PLXDC1: variants seen among roughly 807,000 people sequenced by gnomAD.
PLXDC1 encodes plexin domain containing 1.
Under a neutral mutation model 61.3 loss-of-function variants are expected in PLXDC1, and 39 were observed. That is an observed-to-expected ratio of 0.64 (90% confidence interval 0.49 to 0.83). The LOEUF (loss-of-function observed/expected upper bound fraction) is 0.83. Among genes scored for constraint, PLXDC1 ranks in the 40% least tolerant of loss-of-function variants. PLXDC1 has a pLI of 0.00. For synonymous variants in PLXDC1, 212 were observed against 254.5 expected (o/e 0.83, Z 1.59); for missense variants, 596 against 666.5 (o/e 0.89, Z 1.17).
intron 11 of PLXDC1, chr17:39,072,733 A>AT: frequency 3.7e-6 from 2 of 545,226 alleles, no homozygotes; most frequent in Non-Finnish European, 6.7e-6. Context: ...CTGGAGAGCA[A>AT]TAGGAGGCCA....
chr17:39,107,952 A>G, intron 5 of PLXDC1, 171 bp downstream of exon 5: 3 of 734,712 alleles, frequency 4.1e-6, no homozygotes, highest in Middle Eastern at 4.0e-4. Context: ...TCTGGGTAGC[A>G]GGCATTTTTG....
At chr17:39,095,223 G>T (rs965362330) in intron 7 of PLXDC1, among the ~76,000 whole-genome samples, 2 of 151,648 alleles carry the variant, frequency 1.3e-5, no homozygotes, top group African/African-American at 2.4e-5. Context: ...GAGGCTGAGT[G>T]GTGGCAGAAA....
chr17:39,135,294 G>GGATC (rs1379679892), intron 2 of PLXDC1, among the ~76,000 whole-genome samples: 1 of 152,186 alleles, frequency 6.6e-6, no homozygotes, highest in Non-Finnish European at 1.5e-5. Context: ...GCTGCAGAGG[G>GGATC]GATCACAAAG....
Position 39,067,780 on chromosome 17 carries a change from TCTTTG to T in PLXDC1, c.*55_*59del. On this transcript the variant is annotated 3_prime_UTR_variant, in exon 14 of 14. Coordinates refer to ENST00000315392, the MANE Select transcript of PLXDC1 (RefSeq NM_020405.5). ...AGAGGCCAGGAAAAGTCACTTCTCT[TCTTTG>T]CTTTAACTGTCTTTTCTGTGGCCTC... 6.5e-7 allele frequency: 1 copy of T among 1,535,560 alleles called. No homozygotes were observed. The highest frequency in any genetic ancestry group is 1.2e-5 in the South Asian group (1 of 84,116).
chr17:39,075,944 G>T (rs1449930519), intron 11 of PLXDC1, among the ~76,000 whole-genome samples: 1 of 152,062 alleles, frequency 6.6e-6, no homozygotes, highest in Non-Finnish European at 1.5e-5. Flanking sequence ...TGGGTGTGGT[G>T]GTGTGCACCT....
In PLXDC1 at chr17:39,109,237, G is replaced by A. The variant is rs756601987; in HGVS notation, c.399+11C>T. 1 of 1,601,768 alleles carries A rather than the reference G, an allele frequency of 6.2e-7. No homozygotes were observed. Among genetic ancestry groups the A allele is most frequent in the Non-Finnish European group, 8.5e-7 (1 of 1,172,402 alleles). ...GCACAGGGAAGCATGGCTGGCGACTGGGGCACTCACCGAAGCCTGCCGGTG... is the reference window on the plus strand; with the variant it reads ...GCACAGGGAAGCATGGCTGGCGACTAGGGCACTCACCGAAGCCTGCCGGTG... On this transcript the variant is annotated intron_variant, in intron 3 of 13. Transcript: ENST00000315392.
Position 39,110,075 on chromosome 17 carries a change from G to A in PLXDC1, c.256-684C>T, listed in dbSNP as rs1211162716. Among the ~76,000 whole-genome samples, 8 of 152,270 alleles carry A rather than the reference G, an allele frequency of 5.3e-5. No individual in the cohort carries two copies. The East Asian group carries it at 9.7e-4, about 18-fold the overall frequency. The stretch of plus-strand genomic sequence containing the variant: ...CAAGAATCACTTGAACTCGGGAGCC[G>A]AGATCGCGCCACTGCACTCCAGCCT... On this transcript the variant is annotated intron_variant, in intron 2 of 13. Transcript: ENST00000315392.
At chr17:39,127,211 G>C (rs1051309942) in intron 2 of PLXDC1, among the ~76,000 whole-genome samples, 3 of 152,120 alleles carry the variant, frequency 2.0e-5, no homozygotes, top group Non-Finnish European at 4.4e-5. Flanking sequence ...GAGGAAACAG[G>C]TTTAGAGTTA....
chr17:39,074,403 G>A (rs572633689), intron 11 of PLXDC1, among the ~76,000 whole-genome samples: 1 of 151,786 alleles, frequency 6.6e-6, no homozygotes, highest in Non-Finnish European at 1.5e-5. Context: ...TTCCAGGACT[G>A]GAAGGACATA....
At chr17:39,124,278 T>C (rs561923866) in intron 2 of PLXDC1, among the ~76,000 whole-genome samples, 1 of 152,234 alleles carries the variant, frequency 6.6e-6, no homozygotes, top group East Asian at 1.9e-4. Flanking sequence ...CTCATTTTTG[T>C]CCCTGAAGAG....
chr17:39,141,721 C>T (rs1033642025), intron 1 of PLXDC1, among the ~76,000 whole-genome samples: 2 of 152,144 alleles, frequency 1.3e-5, no homozygotes, highest in Non-Finnish European at 2.9e-5. Flanking sequence ...ATACTGTTTT[C>T]CATATAAAAT....
intron 10 of PLXDC1, 57 bp downstream of exon 10, chr17:39,079,047 C>CCCT (rs1248618470): frequency 1.1e-5 from 16 of 1,419,734 alleles, no homozygotes; most frequent in Non-Finnish European, 1.5e-5. Flanking sequence ...CTACTGGCTG[C>CCCT]CCTCCTGTTC....
chr17:39,140,997 A>G (rs1157729798), intron 1 of PLXDC1, among the ~76,000 whole-genome samples: 1 of 152,074 alleles, frequency 6.6e-6, no homozygotes, highest in Admixed American at 6.6e-5. Flanking sequence ...AAAATTCTGT[A>G]CCCGTTAAAT....
chr17:39,111,056 A>G (rs886590302), intron 2 of PLXDC1, among the ~76,000 whole-genome samples: 2 of 152,120 alleles, frequency 1.3e-5, no homozygotes, highest in African/African-American at 4.8e-5. Flanking sequence ...TTAGGCTGGC[A>G]TGCAAGATCC....
intron 2 of PLXDC1, among the ~76,000 whole-genome samples, chr17:39,114,643 T>G (rs16233): frequency 0.23 from 34,272 of 152,140 alleles, 3,953 homozygotes; most frequent in Middle Eastern, 0.31. Context: ...TGACCACAAA[T>G]TATAGCTGCC....
chr17:39,121,837 C>A (rs75491618), intron 2 of PLXDC1, among the ~76,000 whole-genome samples: 2,762 of 152,236 alleles, frequency 0.018, 38 homozygotes, highest in East Asian at 0.047. Flanking sequence ...GTGACCGGGT[C>A]CGGAGGCTCA....
At chr17:39,123,677 C>T (rs1279436449) in intron 2 of PLXDC1, among the ~76,000 whole-genome samples, 1 of 152,200 alleles carries the variant, frequency 6.6e-6, no homozygotes, top group African/African-American at 2.4e-5. Context: ...CCCCCAGCTC[C>T]ATCTGAAACG....
At chr17:39,091,394 A>C (rs1296131061) in intron 7 of PLXDC1, among the ~76,000 whole-genome samples, 3 of 152,184 alleles carry the variant, frequency 2.0e-5, no homozygotes, top group Admixed American at 1.3e-4. Flanking sequence ...GGAGGATGAC[A>C]GCTCCAGCCC....
chr17:39,133,875 C>T (rs1359504897), intron 2 of PLXDC1, among the ~76,000 whole-genome samples: 1 of 152,156 alleles, frequency 6.6e-6, no homozygotes, highest in African/African-American at 2.4e-5. Context: ...AATCCTCCCA[C>T]CTCAGCATCC....
Sources: allele counts gnomAD v4.1 joint callset (sites outside exome capture counted in the v4.1 genomes callset), GRCh38; gene constraint gnomAD v4.1.1; transcripts MANE v1.5; gene names NCBI Gene and HGNC (gene_info 2026-07-23, HGNC 2026-07-21).